Variants in NWD2 observed in about 807,000 individuals in gnomAD.
The protein encoded by NWD2 is NACHT and WD repeat domain containing 2.
In NWD2, 37 loss-of-function variants were observed where a neutral mutation model predicts 132.7. The ratio of observed to expected loss-of-function variants is 0.28; its 90% CI spans 0.21 to 0.37. NWD2 has a LOEUF of 0.37. Among genes scored for constraint, NWD2 ranks in the 10% least tolerant of loss-of-function variants. The pLI is 1.00. For synonymous variants in NWD2, 705 were observed against 803.0 expected (o/e 0.88, Z 2.06); for missense variants, 1,592 against 2,122.4 (o/e 0.75, Z 4.91).
At chr4:37,276,072 T>C (rs1180931694) in intron 1 of NWD2, among the ~76,000 whole-genome samples, 2 of 151,984 alleles carry the variant, frequency 1.3e-5, no homozygotes, top group Non-Finnish European at 2.9e-5. Context: ...CCAAAAGCAA[T>C]GGCAACAAAA....
chr4:37,267,781 C>T (rs1294771569), intron 1 of NWD2, among the ~76,000 whole-genome samples: 1 of 151,888 alleles, frequency 6.6e-6, no homozygotes. Context: ...GATACAATTA[C>T]AACAATTAAT....
rs371731663 is a variant in NWD2, at chr4:37,361,374, C to G, written c.357+4892C>G. ...GGCAAAAGACAAAACCTGGCAAAAA[C>G]ACAATGAAAAAAGAAAACTACAGGC... On this transcript the variant is annotated intron_variant, in intron 3 of 6. Coordinates refer to ENST00000309447, the MANE Select transcript of NWD2 (RefSeq NM_001144990.2). Among the ~76,000 whole-genome samples, 109 of 152,056 alleles carry G rather than the reference C, an allele frequency of 7.2e-4. 1 individual carries two copies. The South Asian group carries it at 0.021, about 29-fold the overall frequency.
intron 3 of NWD2, among the ~76,000 whole-genome samples, chr4:37,422,096 T>A (rs1033071378): frequency 6.6e-6 from 1 of 152,164 alleles, no homozygotes; most frequent in Admixed American, 6.5e-5. Context: ...GTCACATGGG[T>A]AGTTAGGGCT....
intron 1 of NWD2, among the ~76,000 whole-genome samples, 152 bp downstream of exon 1, chr4:37,245,370 T>C (rs1295804079): frequency 1.3e-5 from 2 of 152,058 alleles, no homozygotes; most frequent in Non-Finnish European, 2.9e-5. Context: ...GGAATTTAAT[T>C]TGAATCACTT....
In NWD2 at chr4:37,428,850, G is replaced by A. The variant is rs574901188; in HGVS notation, c.358-1722G>A. ...AGGTTAAAGCGATTCTCCTGCCTCA[G>A]CCTCCCCAGTACCTGGGATTACAGG... On this transcript the variant is annotated intron_variant, in intron 3 of 6. Coordinates refer to ENST00000309447, the MANE Select transcript of NWD2 (RefSeq NM_001144990.2). Among the ~76,000 whole-genome samples, 108 of 152,320 alleles carry A rather than the reference G, an allele frequency of 7.1e-4. No homozygotes were observed. The South Asian group carries it at 9.1e-3, about 13-fold the overall frequency.
intron 3 of NWD2, among the ~76,000 whole-genome samples, chr4:37,370,579 C>T (rs567203577): frequency 3.6e-4 from 55 of 152,216 alleles, no homozygotes; most frequent in Middle Eastern, 6.8e-3. Context: ...AATTGGTCTC[C>T]GGCTTGAATC....
At chr4:37,258,385 G>A (rs1243747108) in intron 1 of NWD2, among the ~76,000 whole-genome samples, 2 of 152,208 alleles carry the variant, frequency 1.3e-5, no homozygotes, top group Admixed American at 1.3e-4. Context: ...TCCTAGAGGT[G>A]CAGATGTTTG....
At chr4:37,345,700 T>A (rs1375708412) in intron 2 of NWD2, among the ~76,000 whole-genome samples, 2 of 152,292 alleles carry the variant, frequency 1.3e-5, no homozygotes, top group South Asian at 2.1e-4. Flanking sequence ...TTTAAAAAAA[T>A]TTTAAGTAGG....
At chr4:37,307,196 C>A (rs1417586709) in intron 1 of NWD2, among the ~76,000 whole-genome samples, 1 of 152,054 alleles carries the variant, frequency 6.6e-6, no homozygotes, top group African/African-American at 2.4e-5. Context: ...TTAATTATTT[C>A]TTTTTTATTT....
intron 3 of NWD2, among the ~76,000 whole-genome samples, chr4:37,383,945 C>CT: frequency 6.6e-6 from 1 of 152,110 alleles, no homozygotes; most frequent in African/African-American, 2.4e-5. Flanking sequence ...TTATTCACCC[C>CT]TTTTTATTTT....
intron 2 of NWD2, among the ~76,000 whole-genome samples, chr4:37,353,444 A>G (rs1191360690): frequency 6.6e-6 from 1 of 152,156 alleles, no homozygotes; most frequent in Non-Finnish European, 1.5e-5. Flanking sequence ...GTGTTTTCCA[A>G]CTTGGTTCTA....
intron 1 of NWD2, among the ~76,000 whole-genome samples, chr4:37,290,140 T>C (rs1010372983): frequency 3.9e-5 from 6 of 152,112 alleles, no homozygotes; most frequent in African/African-American, 1.2e-4. Flanking sequence ...CTTAAGAAAT[T>C]AGATGTGCAC....
chr4:37,291,425 T>G (rs1371042626), intron 1 of NWD2, among the ~76,000 whole-genome samples: 1 of 152,198 alleles, frequency 6.6e-6, no homozygotes, highest in Non-Finnish European at 1.5e-5. Flanking sequence ...TTTAATTACA[T>G]CAGTCTAGTA....
intron 3 of NWD2, among the ~76,000 whole-genome samples, chr4:37,381,666 G>T (rs1720457236): frequency 1.3e-5 from 2 of 152,188 alleles, no homozygotes; most frequent in South Asian, 4.1e-4. Flanking sequence ...AAGTCAATCT[G>T]TATTCTATTT....
intron 1 of NWD2, among the ~76,000 whole-genome samples, chr4:37,314,304 T>C (rs1718914725): frequency 6.6e-6 from 1 of 152,198 alleles, no homozygotes; most frequent in African/African-American, 2.4e-5. Flanking sequence ...TAGGATAATA[T>C]AGACTTACAG....
intron 1 of NWD2, among the ~76,000 whole-genome samples, chr4:37,286,257 A>T (rs1718228538): frequency 6.6e-6 from 1 of 152,222 alleles, no homozygotes; most frequent in Non-Finnish European, 1.5e-5. Context: ...CACTTCTGTT[A>T]ACAGTAACAG....
intron 3 of NWD2, among the ~76,000 whole-genome samples, chr4:37,413,894 TC>T (rs1386069170): frequency 6.6e-6 from 1 of 152,138 alleles, no homozygotes; most frequent in Non-Finnish European, 1.5e-5. Flanking sequence ...CACCGCATGT[TC>T]TCACTTATAA....
At chr4:37,358,360 G>A (rs1719912066) in intron 3 of NWD2, among the ~76,000 whole-genome samples, 1 of 149,498 alleles carries the variant, frequency 6.7e-6, no homozygotes, top group Non-Finnish European at 1.5e-5. Context: ...TGGGGGGGTT[G>A]GGGGAACGAA....
At chr4:37,271,518 G>C (rs76319650) in intron 1 of NWD2, among the ~76,000 whole-genome samples, 1 of 151,732 alleles carries the variant, frequency 6.6e-6, no homozygotes, top group Non-Finnish European at 1.5e-5. Flanking sequence ...TAAAAATAGA[G>C]TTGATGTTTA....
Sources: gnomAD v4.1 joint callset for allele counts (sites outside exome capture counted in the v4.1 genomes callset) on GRCh38, gnomAD v4.1.1 for gene constraint, MANE v1.5 for transcripts, NCBI Gene and HGNC (gene_info 2026-07-23, HGNC 2026-07-21) for gene names.